The following HPS3 variants were observed in gnomAD, a reference collection of about 807,000 sequenced individuals.
HPS3 encodes HPS3 biogenesis of lysosomal organelles complex 2 subunit 1.
A neutral mutation model predicts 110.9 loss-of-function variants in HPS3; 79 were observed. The ratio of observed to expected loss-of-function variants is 0.71; its 90% CI spans 0.59 to 0.86. The LOEUF (loss-of-function observed/expected upper bound fraction) is 0.86, where lower values mean the gene tolerates loss of function less well. HPS3 is among the 40% of genes least tolerant of loss of function. HPS3 has a pLI of 0.00. For missense variants in HPS3, 1,197 were observed against 1,206.2 expected, an observed-to-expected ratio of 0.99 and a Z score of 0.11; for synonymous variants, 428 against 451.0, an observed-to-expected ratio of 0.95 and a Z score of 0.65.
rs1721610629 is a variant in HPS3 at position 149,129,643 on chromosome 3, T to C, written c.-81T>C. The C allele has an allele frequency of 1.8e-6, 2 of 1,097,018 alleles. No homozygotes were observed. The highest frequency in any genetic ancestry group is 3.3e-5 in the African/African-American group (2 of 60,256). 68.0% of individuals were successfully genotyped at this position (1,097,018 alleles called of 1,614,324 possible). A position where few individuals can be genotyped will look rare whatever the true frequency, so the allele number is the denominator to read the frequency against. ...GGCGTCATTGGCTCGCTCGCGGAAG[T>C]AGTCCTACATTCGCGGTCAGCGCGG... On this transcript the variant is annotated 5_prime_UTR_variant, in exon 1 of 17. Transcript: ENST00000296051.
chr3:149,158,941 AT>A, intron 10 of HPS3, 95 bp downstream of exon 10: 1 of 868,998 alleles, frequency 1.2e-6, no homozygotes, highest in Non-Finnish European at 1.8e-6. Flanking sequence ...GATTCCAAAT[AT>A]TTTTCTTCTT....
At chr3:149,138,121 T>C (rs547633477) in intron 1 of HPS3, among the ~76,000 whole-genome samples, 1 of 152,148 alleles carries the variant, frequency 6.6e-6, no homozygotes, top group African/African-American at 2.4e-5. Flanking sequence ...TCTTTAGGCA[T>C]TCTACGATCT....
intron 6 of HPS3, among the ~76,000 whole-genome samples, chr3:149,152,402 G>A (rs1194237884): frequency 6.6e-6 from 1 of 152,118 alleles, no homozygotes; most frequent in Admixed American, 6.6e-5. Flanking sequence ...CAGAATGAAG[G>A]AACAAGGAAG....
At position 149,162,779 on chromosome 3, in the gene HPS3, A is replaced by G; in HGVS notation, c.2382A>G (p.Val794=). The G allele has an allele frequency of 6.2e-7, 1 of 1,614,000 alleles. No individual in the cohort carries two copies. Among genetic ancestry groups the G allele is most frequent in the Non-Finnish European group, 8.5e-7 (1 of 1,179,906 alleles). ...TAGTGGCATGTCTCCCAGATGTGGT[A>G]CTTCAGGAACTCTTTTTCAAACTCA... ...AQLVACLPDV[V]LQELFFKLTS... The change falls in exon 13 of 17, where the codon GTA becomes GTG. Residue 794 remains valine, a synonymous_variant. Transcript: ENST00000296051.
chr3:149,160,192 G>T lies in HPS3; in HGVS notation c.2019G>T (p.Ser673=). 2 of 1,613,818 alleles carry T rather than the reference G, an allele frequency of 1.2e-6. No individual in the cohort carries two copies. Among genetic ancestry groups the T allele is most frequent in the South Asian group, 1.1e-5 (1 of 91,070 alleles). Residue 673 remains serine (S), a synonymous_variant, in exon 11 of 17, where the codon TCG becomes TCT. Coordinates refer to ENST00000296051, the MANE Select transcript of HPS3 (RefSeq NM_032383.5). ...AGCTGGATACTTCTGGGTTTTCATC[G>T]ATCTTAGTGACATTGACCAAGGCAG... ...LRKLDTSGFS[S]ILVTLTKAAV...
At chr3:149,166,840 A>G (rs1724473115) in intron 14 of HPS3, among the ~76,000 whole-genome samples, 194 bp from the exon 15 acceptor site, 1 of 152,244 alleles carries the variant, frequency 6.6e-6, no homozygotes, top group Non-Finnish European at 1.5e-5. Context: ...AGAGATCTTT[A>G]AACTAGAGGT....
Position 149,153,709 on chromosome 3 carries a change from ATT to A in HPS3, c.1400+64_1400+65del, listed in dbSNP as rs113026237. ...TTCTGGAATGAGTTGTAACTGGTAT[ATT>A]TTGTGTTTATCTTTTTTCAAATCAT... On this transcript the variant is annotated intron_variant, in intron 7 of 16. Transcript: ENST00000296051. The A allele has an allele frequency of 7.4e-5, 112 of 1,514,442 alleles. 2 individuals carry two copies. The African/African-American group carries it at 9.5e-4, about 13-fold the overall frequency. 93.8% of individuals were successfully genotyped at this position (1,514,442 alleles called of 1,614,324 possible). A position where few individuals can be genotyped will look rare whatever the true frequency, so the allele number is the denominator to read the frequency against.
chr3:149,136,613 T>C (rs1433880388), intron 1 of HPS3, among the ~76,000 whole-genome samples: 4 of 152,194 alleles, frequency 2.6e-5, no homozygotes, highest in Non-Finnish European at 5.9e-5. Flanking sequence ...GTGCTTCAGA[T>C]TCCTGATGTA....
chr3:149,129,650 A>T lies in HPS3; in HGVS notation c.-74A>T. ...TTGGCTCGCTCGCGGAAGTAGTCCTACATTCGCGGTCAGCGCGGGGTCTCC... is the reference window on the plus strand; with the variant it reads ...TTGGCTCGCTCGCGGAAGTAGTCCTTCATTCGCGGTCAGCGCGGGGTCTCC... On this transcript the variant is annotated 5_prime_UTR_variant, in exon 1 of 17. Transcript: ENST00000296051. 1 of 1,174,582 alleles carries T rather than the reference A, an allele frequency of 8.5e-7. No individual in the cohort carries two copies. The highest frequency in any genetic ancestry group is 1.2e-6 in the Non-Finnish European group (1 of 864,792). 72.8% of individuals were successfully genotyped at this position (1,174,582 alleles called of 1,614,324 possible).
Position 149,167,027 on chromosome 3 carries a change from T to C in HPS3, c.2590-7T>C, listed in dbSNP as rs200846027. On this transcript the variant is annotated splice_region_variant and splice_polypyrimidine_tract_variant and intron_variant, in intron 14 of 16. Coordinates refer to ENST00000296051, the MANE Select transcript of HPS3 (RefSeq NM_032383.5). ...CATTTCATAACATTTCACTTTTCTGTTCATAGTCTCTTATATGTGGTCCTT... is the reference window on the plus strand; with the variant it reads ...CATTTCATAACATTTCACTTTTCTGCTCATAGTCTCTTATATGTGGTCCTT... 5.9e-5 allele frequency: 95 copies of C among 1,606,326 alleles called. No homozygotes were observed. Among genetic ancestry groups the C allele is most frequent in the Non-Finnish European group, 7.2e-5 (84 of 1,173,272 alleles).
intron 16 of HPS3, 21 bp from the exon 17 acceptor site, chr3:149,172,074 C>T: frequency 1.2e-6 from 2 of 1,609,922 alleles, no homozygotes; most frequent in Non-Finnish European, 1.7e-6. Context: ...AATTCTAATT[C>T]AGATATTCTT....
chr3:149,161,746 G>A (rs987461849), intron 11 of HPS3, among the ~76,000 whole-genome samples: 1 of 152,044 alleles, frequency 6.6e-6, no homozygotes, highest in African/African-American at 2.4e-5. Flanking sequence ...CTGACCTCAA[G>A]TGATCTGCCC....
chr3:149,148,094 A>C (rs1219592168), intron 5 of HPS3, among the ~76,000 whole-genome samples: 1 of 152,014 alleles, frequency 6.6e-6, no homozygotes, highest in African/African-American at 2.4e-5. Flanking sequence ...GCTGGTCTCC[A>C]ACTCCTAACC....
intron 1 of HPS3, among the ~76,000 whole-genome samples, chr3:149,134,802 A>G (rs1721988187): frequency 6.6e-6 from 1 of 152,220 alleles, no homozygotes. Flanking sequence ...TTCAAGAGTC[A>G]TGTGGGATGG....
intron 6 of HPS3, among the ~76,000 whole-genome samples, chr3:149,152,604 G>A (rs994991041): frequency 1.3e-5 from 2 of 152,182 alleles, no homozygotes; most frequent in Admixed American, 1.3e-4. Context: ...TCAGGCTTTG[G>A]AGCTGTGATG....
chr3:149,150,987 T>C lies in HPS3; in HGVS notation c.1245+307T>C, dbSNP rs145593770. On this transcript the variant is annotated intron_variant, in intron 6 of 16. Coordinates refer to ENST00000296051, the MANE Select transcript of HPS3 (RefSeq NM_032383.5). ...TTCACAACTACTGTATGCTACAATT[T>C]TATTTTTTATTTTTTTGATTTTAAC... Among the ~76,000 whole-genome samples, 188 of 150,016 alleles carry C rather than the reference T, an allele frequency of 1.3e-3. 1 individual carries two copies. Among genetic ancestry groups the C allele is most frequent in the African/African-American group, 4.4e-3 (180 of 41,210 alleles).
intron 10 of HPS3, 45 bp from the exon 11 acceptor site, chr3:149,160,001 G>A: frequency 1.4e-6 from 2 of 1,411,302 alleles, no homozygotes; most frequent in Non-Finnish European, 1.0e-6. Context: ...CTTTCTTCTG[G>A]CTGACTGACC....
chr3:149,134,009 C>T (rs902083210), intron 1 of HPS3, among the ~76,000 whole-genome samples: 1 of 151,872 alleles, frequency 6.6e-6, no homozygotes, highest in African/African-American at 2.4e-5. Context: ...AAAAGCCTTA[C>T]TATTTACTGT....
Position 149,145,334 on chromosome 3 carries a change from T to C in HPS3, c.971-20T>C. On this transcript the variant is annotated intron_variant, in intron 4 of 16. Coordinates refer to ENST00000296051, the MANE Select transcript of HPS3 (RefSeq NM_032383.5). ...TTTACTGGTTTCATGGTGTTTTATT[T>C]CTTTCATTTTTGCATGCAGGTTCTC... is the stretch of plus-strand genomic sequence containing the variant. 6.4e-7 allele frequency: 1 copy of C among 1,570,634 alleles called. No individual in the cohort carries two copies. The highest frequency in any genetic ancestry group is 8.8e-7 in the Non-Finnish European group (1 of 1,141,772).
Sources: allele counts gnomAD v4.1 joint callset (sites outside exome capture counted in the v4.1 genomes callset), GRCh38; gene constraint gnomAD v4.1.1; transcripts MANE v1.5; gene names NCBI Gene and HGNC (gene_info 2026-07-23, HGNC 2026-07-21).